TENM1: variants seen among roughly 807,000 people sequenced by gnomAD.
TENM1 encodes teneurin-1.
In TENM1, 35 loss-of-function variants were observed where a neutral mutation model predicts 174.8. The ratio of observed to expected loss-of-function variants is 0.20; its 90% CI spans 0.15 to 0.27. The LOEUF is 0.27. Among genes scored for constraint, TENM1 ranks in the 10% least tolerant of loss-of-function variants. The pLI is 1.00. For synonymous variants in TENM1, 781 were observed against 798.7 expected, an observed-to-expected ratio of 0.98 and a Z score of 0.37; for missense variants, 1,633 against 2,130.1, an observed-to-expected ratio of 0.77 and a Z score of 4.59.
chrX:125,045,945 T>A, the TENM1 span, among the ~76,000 whole-genome samples: 1 of 111,940 alleles, frequency 8.9e-6, no homozygotes, highest in African/African-American at 3.2e-5. Flanking sequence ...ACTAGAAACA[T>A]ATTCTCTTTT....
At chrX:125,115,252 G>C in the TENM1 span, among the ~76,000 whole-genome samples, 1 of 111,206 alleles carries the variant, frequency 9.0e-6, no homozygotes, top group South Asian at 3.8e-4. Flanking sequence ...AAAATAATAA[G>C]AGCTATTTAT....
chrX:124,942,619 A>C (rs1474378843), intron 1 of TENM1, among the ~76,000 whole-genome samples: 1 of 111,936 alleles, frequency 8.9e-6, no homozygotes, highest in Non-Finnish European at 1.9e-5. Flanking sequence ...GGAGAAAAAG[A>C]AATGGTAATG....
At chrX:125,094,571 C>A in the TENM1 span, among the ~76,000 whole-genome samples, 1 of 112,023 alleles carries the variant, frequency 8.9e-6, no homozygotes, top group South Asian at 3.7e-4. Flanking sequence ...GACTGACTGT[C>A]TGGACCACAT....
chrX:125,047,020 T>G, the TENM1 span, among the ~76,000 whole-genome samples: 2 of 110,838 alleles, frequency 1.8e-5, no homozygotes, highest in Non-Finnish European at 3.8e-5. Context: ...GTGATAGATT[T>G]TAATTCCTCC....
At chrX:124,403,092 C>A (rs779186833) in intron 27 of TENM1, among the ~76,000 whole-genome samples, 1 of 110,496 alleles carries the variant, frequency 9.1e-6, no homozygotes, top group Non-Finnish European at 1.9e-5. Flanking sequence ...TCAATAGAAT[C>A]GAAACATAAA....
intron 11 of TENM1, among the ~76,000 whole-genome samples, chrX:124,582,757 G>T: frequency 8.9e-6 from 1 of 112,117 alleles, no homozygotes; most frequent in Middle Eastern, 4.6e-3. Flanking sequence ...GAAGTGCAAG[G>T]GGTCAGGGAG....
chrX:124,884,239 C>A (rs1262144157), intron 3 of TENM1, among the ~76,000 whole-genome samples: 1 of 110,714 alleles, frequency 9.0e-6, no homozygotes, highest in Non-Finnish European at 1.9e-5. Flanking sequence ...CAGCCAGCTG[C>A]GGTGGTGGCT....
chrX:125,071,440 G>A, the TENM1 span, among the ~76,000 whole-genome samples: 1 of 111,599 alleles, frequency 9.0e-6, no homozygotes, highest in African/African-American at 3.2e-5. Context: ...TGATGAACTT[G>A]AGACTCTGAA....
At chrX:124,642,608 G>C (rs953701972) in intron 10 of TENM1, among the ~76,000 whole-genome samples, 1 of 111,529 alleles carries the variant, frequency 9.0e-6, no homozygotes, top group South Asian at 3.8e-4. Flanking sequence ...CTCCTTCTAT[G>C]AGAACACGGT....
chrX:125,038,744 GACCTAGACCTTTAT>G, the TENM1 span, among the ~76,000 whole-genome samples: 1 of 111,018 alleles, frequency 9.0e-6, no homozygotes, highest in South Asian at 3.8e-4. Flanking sequence ...AACTATAATT[GACCTAGACCTTTAT>G]ACCAAAAGTG....
intron 3 of TENM1, among the ~76,000 whole-genome samples, chrX:124,855,177 G>A (rs111333278): frequency 0.023 from 2,514 of 111,480 alleles, 62 homozygotes; most frequent in African/African-American, 0.077. Context: ...ACTTTCATAT[G>A]TTTCGCATTT....
chrX:124,430,142 A>G (rs1421482756), intron 23 of TENM1, among the ~76,000 whole-genome samples: 2 of 111,545 alleles, frequency 1.8e-5, no homozygotes, highest in Non-Finnish European at 3.8e-5. Context: ...ATCCCTTAAT[A>G]TATCCTTTTA....
At chrX:124,907,304 G>A (rs1244228214) in intron 1 of TENM1, among the ~76,000 whole-genome samples, 1 of 112,140 alleles carries the variant, frequency 8.9e-6, no homozygotes, top group Non-Finnish European at 1.9e-5. Context: ...AGGGGAATCC[G>A]AAGGGCTTAA....
intron 15 of TENM1, 138 bp downstream of exon 18, chrX:124,546,736 C>T (rs1345066404): frequency 9.6e-6 from 5 of 520,242 alleles, no homozygotes; most frequent in Admixed American, 3.9e-5. Context: ...TTTTGGCTTT[C>T]CAGAGAAGTC....
chrX:124,508,674 C>G (rs1167894009), intron 18 of TENM1, among the ~76,000 whole-genome samples: 2 of 112,098 alleles, frequency 1.8e-5, no homozygotes, highest in Non-Finnish European at 3.8e-5. Flanking sequence ...AGGTTCCGTA[C>G]AGTAAAACCT....
intron 3 of TENM1, among the ~76,000 whole-genome samples, chrX:124,813,744 G>A (rs189578588): frequency 1.2e-3 from 134 of 110,922 alleles, no homozygotes; most frequent in African/African-American, 4.3e-3. Context: ...AGAAACCGGA[G>A]GGAGTGGTGG....
At chrX:125,139,866 AGAGAG>A in the TENM1 span, among the ~76,000 whole-genome samples, 1 of 68,936 alleles carries the variant, frequency 1.5e-5, no homozygotes, top group Non-Finnish European at 2.9e-5. Context: ...ACGGAGAGAG[AGAGAG>A]AGAGAGAGAG....
At chrX:124,933,864 A>G (rs1169236796) in intron 1 of TENM1, among the ~76,000 whole-genome samples, 1 of 111,693 alleles carries the variant, frequency 9.0e-6, no homozygotes, top group Non-Finnish European at 1.9e-5. Flanking sequence ...CTACTCTATA[A>G]TTTTTATAGA....
At chrX:124,382,447 G>C (rs2060168511) in intron 31 of TENM1, among the ~76,000 whole-genome samples, 1 of 111,088 alleles carries the variant, frequency 9.0e-6, no homozygotes, top group African/African-American at 3.3e-5. Context: ...TATTGCAGCA[G>C]TCATCAAGTA....
Sources: gnomAD v4.1 joint callset for allele counts (sites outside exome capture counted in the v4.1 genomes callset) on GRCh38, gnomAD v4.1.1 for gene constraint, MANE v1.5 for transcripts, NCBI Gene and HGNC (gene_info 2026-07-23, HGNC 2026-07-21) for gene names.